XRN1: variants seen among roughly 807,000 people sequenced by gnomAD.
The protein encoded by XRN1 is strand-exchange protein 1 homolog.
In XRN1, 67 loss-of-function variants were observed where a neutral mutation model predicts 222.3. That is an observed-to-expected ratio of 0.30 (90% CI 0.25 to 0.37). The LOEUF is 0.37. XRN1 is among the 10% of genes least tolerant of loss of function. XRN1 has a pLI of 1.00. For missense variants in XRN1, 1,707 were observed against 2,000.2 expected, an observed-to-expected ratio of 0.85 and a Z score of 2.80; for synonymous variants, 643 against 652.4, an observed-to-expected ratio of 0.99 and a Z score of 0.22.
chr3:142,366,496 G>A (rs190210701), intron 27 of XRN1, among the ~76,000 whole-genome samples: 10 of 152,280 alleles, frequency 6.6e-5, no homozygotes, highest in African/African-American at 2.4e-4. Context: ...TCTAGGTGCT[G>A]GGGATAAAGC....
chr3:142,394,509 C>T (rs74847752), intron 20 of XRN1, among the ~76,000 whole-genome samples: 5 of 152,174 alleles, frequency 3.3e-5, no homozygotes, highest in African/African-American at 1.2e-4. Context: ...TTATGACCAA[C>T]CTTCCTTTTC....
intron 1 of XRN1, among the ~76,000 whole-genome samples, chr3:142,440,970 T>C (rs1172157402): frequency 6.6e-6 from 1 of 152,218 alleles, no homozygotes; most frequent in Non-Finnish European, 1.5e-5. Flanking sequence ...CTGGACACTC[T>C]TGTCCTTCGG....
In XRN1 at chr3:142,347,235, T is replaced by G; in HGVS notation, c.3876A>C (p.Lys1292Asn). 6.3e-7 allele frequency: 1 copy of G among 1,593,534 alleles called. No individual in the cohort carries two copies. The highest frequency in any genetic ancestry group is 8.6e-7 in the Non-Finnish European group (1 of 1,167,214). Residue 1292 changes from lysine (K) to asparagine (N), a missense_variant and splice_region_variant, in exon 33 of 41, where the codon AAA becomes AAC. Transcript: ENST00000392981. Reference protein sequence around the residue: ...YQQRKHDPHRKFKEECKSPKA... With the variant: ...YQQRKHDPHRNFKEECKSPKA... ...ACACCTTTCTAATTTAAAACTTACATTTTCTGTGAGGGTCATGTTTTCTTT... is the reference window on the plus strand; with the variant it reads ...ACACCTTTCTAATTTAAAACTTACAGTTTCTGTGAGGGTCATGTTTTCTTT...
In XRN1 at chr3:142,447,703, T is replaced by C. The variant is rs1435337484; in HGVS notation, c.75+167A>G. On this transcript the variant is annotated intron_variant, in intron 1 of 40. Coordinates refer to ENST00000392981, the MANE Select transcript of XRN1 (RefSeq NM_001282857.2). The surrounding 1 kb of genome is among the most constrained non-coding windows in gnomAD (Gnocchi z 4.2). ...CAGGCAACCTGCGTCCTTAGCCCCT[T>C]TCGGCTCATCCGGGCGTCCTCAAAC... 9.9e-5 allele frequency among the ~76,000 whole-genome samples: 15 copies of C among 152,154 alleles called. 1 individual carries two copies. The highest frequency in any genetic ancestry group is 9.8e-4 in the Admixed American group (15 of 15,282).
intron 11 of XRN1, 37 bp downstream of exon 11, chr3:142,418,778 A>C (rs1452983179): frequency 6.2e-7 from 1 of 1,600,406 alleles, no homozygotes; most frequent in South Asian, 1.1e-5. Context: ...TATCCTGTCA[A>C]AGTAGTAACA....
chr3:142,368,815 C>T (rs2066896529), intron 27 of XRN1, among the ~76,000 whole-genome samples: 2 of 152,158 alleles, frequency 1.3e-5, no homozygotes, highest in South Asian at 2.1e-4. Flanking sequence ...ATAATCACAG[C>T]TCTTCAGTAT....
chr3:142,318,530 TA>T, intron 39 of XRN1, 61 bp downstream of exon 39: 1 of 1,417,286 alleles, frequency 7.1e-7, no homozygotes, highest in Non-Finnish European at 9.7e-7. Context: ...CTTGATTTCT[TA>T]AAAGAGCTTA....
At position 142,441,487 on chromosome 3, in the gene XRN1, C is replaced by A. The variant is rs190494374; in HGVS notation, c.75+6383G>T. On this transcript the variant is annotated intron_variant, in intron 1 of 40. Transcript: ENST00000392981. ...GGAGTCCTTACACAGGTCCGAGGGA[C>A]GAGCTTGCAACCGTGGCATACCTGA... is the stretch of plus-strand genomic sequence containing the variant. Among the ~76,000 whole-genome samples, 371 of 152,298 alleles carry A rather than the reference C, an allele frequency of 2.4e-3. 3 individuals are homozygous for A. The highest frequency in any genetic ancestry group is 8.3e-3 in the African/African-American group (345 of 41,554).
intron 14 of XRN1, among the ~76,000 whole-genome samples, chr3:142,412,865 T>A (rs1405376141): frequency 6.6e-6 from 1 of 152,226 alleles, no homozygotes; most frequent in East Asian, 1.9e-4. Flanking sequence ...CTACTACTCA[T>A]CATTTATACA....
intron 34 of XRN1, 44 bp downstream of exon 34, chr3:142,335,403 CA>C: frequency 6.4e-7 from 1 of 1,552,102 alleles, no homozygotes; most frequent in Non-Finnish European, 8.9e-7. Flanking sequence ...CCACCAATTG[CA>C]TTAAAAAATT....
chr3:142,334,426 T>C (rs879525181), intron 34 of XRN1, among the ~76,000 whole-genome samples: 19 of 151,986 alleles, frequency 1.3e-4, no homozygotes, highest in Admixed American at 3.3e-4. Flanking sequence ...AAAGTACACA[T>C]CTAATAAATA....
At chr3:142,366,842 T>C (rs892301647) in intron 27 of XRN1, among the ~76,000 whole-genome samples, 5 of 152,182 alleles carry the variant, frequency 3.3e-5, no homozygotes, top group African/African-American at 1.2e-4. Flanking sequence ...ATTATTACAC[T>C]ATAGCATTGA....
chr3:142,311,819 A>G lies in XRN1; in HGVS notation c.4783-6T>C. Reference sequence around the variant, plus strand: ...GCAACCCTTTTTTTAGTAACCTGTTAGGAATAAAAGCATCACTAATTAATA... The same window carrying G: ...GCAACCCTTTTTTTAGTAACCTGTTGGGAATAAAAGCATCACTAATTAATA... On this transcript the variant is annotated splice_polypyrimidine_tract_variant and splice_region_variant and intron_variant, in intron 40 of 40. Coordinates refer to ENST00000392981, the MANE Select transcript of XRN1 (RefSeq NM_001282857.2). 6.4e-7 allele frequency: 1 copy of G among 1,566,316 alleles called. No homozygotes were observed. The highest frequency in any genetic ancestry group is 8.6e-7 in the Non-Finnish European group (1 of 1,160,278).
At chr3:142,429,510 T>C (rs1007754420) in intron 2 of XRN1, among the ~76,000 whole-genome samples, 17 of 152,096 alleles carry the variant, frequency 1.1e-4, no homozygotes, top group Non-Finnish European at 2.1e-4. Context: ...AGAAGGCAGA[T>C]TTAGAAATAA....
intron 40 of XRN1, 77 bp downstream of exon 40, chr3:142,312,521 A>C: frequency 7.2e-7 from 1 of 1,385,566 alleles, no homozygotes. Context: ...TGAATAAGTA[A>C]ACTGAATAAA....
chr3:142,350,407 G>A (rs1352905804), intron 32 of XRN1, among the ~76,000 whole-genome samples: 1 of 152,098 alleles, frequency 6.6e-6, no homozygotes, highest in East Asian at 1.9e-4. Flanking sequence ...AAAAATGTGA[G>A]TTATAGAAAA....
At chr3:142,403,495 C>G (rs2068222471) in intron 18 of XRN1, among the ~76,000 whole-genome samples, 179 bp downstream of exon 18, 1 of 152,134 alleles carries the variant, frequency 6.6e-6, no homozygotes, top group South Asian at 2.1e-4. Flanking sequence ...CATTGTGTCA[C>G]AGTGATACAG....
At chr3:142,362,584 C>A (rs944948180) in intron 29 of XRN1, among the ~76,000 whole-genome samples, 2 of 139,942 alleles carry the variant, frequency 1.4e-5, no homozygotes, top group African/African-American at 5.2e-5. Context: ...CTTCGTCCCC[C>A]CTACCCCCGC....
intron 15 of XRN1, among the ~76,000 whole-genome samples, chr3:142,408,760 A>C (rs1431601037): frequency 6.6e-6 from 1 of 152,224 alleles, no homozygotes; most frequent in African/African-American, 2.4e-5. Context: ...TTACTTTATA[A>C]GAAACTGCCA....
Sources: allele counts gnomAD v4.1 joint callset (sites outside exome capture counted in the v4.1 genomes callset), GRCh38; gene constraint gnomAD v4.1.1; non-coding constraint Gnocchi (gnomAD v3.1); transcripts MANE v1.5; gene names NCBI Gene and HGNC (gene_info 2026-07-23, HGNC 2026-07-21).